Variants in C2orf76 observed in about 807,000 individuals in gnomAD.
C2orf76 encodes the protein UPF0538 protein C2orf76.
C2orf76 carries 23 observed loss-of-function variants against 16.9 expected under a neutral mutation model. That is an observed-to-expected ratio of 1.36 (90% CI 0.98 to 1.93). The LOEUF (loss-of-function observed/expected upper bound fraction) is 1.93, where lower values mean the gene tolerates loss of function less well. C2orf76 is among the 30% of genes most tolerant of loss of function. The probability of loss-of-function intolerance (pLI) is 0.00; values close to 1 mark genes in which losing one functional copy is unlikely to be tolerated. For synonymous variants in C2orf76, 48 were observed against 52.3 expected (o/e 0.92, Z 0.35); for missense variants, 152 against 152.6 (o/e 1.00, Z 0.02).
chr2:119,314,428 G>GT (rs1250687866), intron 4 of C2orf76, among the ~76,000 whole-genome samples: 2 of 152,006 alleles, frequency 1.3e-5, no homozygotes, highest in African/African-American at 4.8e-5. Flanking sequence ...TTTTTTAGAT[G>GT]TTTATGCAGT....
At chr2:119,362,294 A>C (rs1048021858) in intron 1 of C2orf76, among the ~76,000 whole-genome samples, 6 of 152,312 alleles carry the variant, frequency 3.9e-5, no homozygotes, top group Non-Finnish European at 8.8e-5. Flanking sequence ...GTAGGCTATT[A>C]ATAGTTAAGT....
downstream of C2orf76, among the ~76,000 whole-genome samples, chr2:119,301,359 T>C (rs545714067): frequency 8.5e-5 from 13 of 152,200 alleles, no homozygotes; most frequent in Non-Finnish European, 1.6e-4. Flanking sequence ...CTTCTAATCA[T>C]GTTAATCAGA....
At chr2:119,314,129 T>G (rs569524608) in intron 4 of C2orf76, among the ~76,000 whole-genome samples, 52 of 151,952 alleles carry the variant, frequency 3.4e-4, no homozygotes, top group African/African-American at 1.2e-3. Context: ...CAGTTTTCTG[T>G]CATATTTAGA....
chr2:119,287,261 T>C, the C2orf76 span, among the ~76,000 whole-genome samples: 1 of 152,216 alleles, frequency 6.6e-6, no homozygotes, highest in Non-Finnish European at 1.5e-5. Context: ...CTGCAGAGCT[T>C]GCTGGACCTT....
the C2orf76 span, among the ~76,000 whole-genome samples, chr2:119,284,235 G>T: frequency 2.6e-5 from 4 of 152,194 alleles, no homozygotes; most frequent in African/African-American, 9.7e-5. Context: ...GACCACGAGG[G>T]AATGTCACAT....
At chr2:119,311,098 T>C (rs56121712) in intron 5 of C2orf76, 407,883 of 930,002 alleles carry the variant, frequency 0.44, 90,635 homozygotes, top group South Asian at 0.49. Flanking sequence ...TTATTTAGAA[T>C]AAAACCACAT....
At chr2:119,289,173 A>G in the C2orf76 span, among the ~76,000 whole-genome samples, 2 of 152,046 alleles carry the variant, frequency 1.3e-5, no homozygotes, top group East Asian at 1.9e-4. Context: ...GCAGGTCCCA[A>G]CGCATTTCTA....
chr2:119,353,801 G>T (rs761238422), intron 1 of C2orf76, among the ~76,000 whole-genome samples: 22 of 152,042 alleles, frequency 1.4e-4, no homozygotes, highest in Non-Finnish European at 2.9e-4. Flanking sequence ...GATCTTAGGT[G>T]ATCCGCCCGC....
downstream of C2orf76, among the ~76,000 whole-genome samples, chr2:119,297,570 G>A (rs549517897): frequency 6.6e-6 from 1 of 152,242 alleles, no homozygotes; most frequent in East Asian, 1.9e-4. Context: ...GCAGTGGTGT[G>A]ATCTCAGCTC....
chr2:119,366,125 G>A (rs576712918), intron 1 of C2orf76, among the ~76,000 whole-genome samples: 1 of 151,842 alleles, frequency 6.6e-6, no homozygotes, highest in Non-Finnish European at 1.5e-5. Context: ...AGCCCCTAAA[G>A]TACTCTATAT....
At chr2:119,321,473 G>C (rs560594163) in intron 2 of C2orf76, among the ~76,000 whole-genome samples, 3 of 152,230 alleles carry the variant, frequency 2.0e-5, no homozygotes, top group Admixed American at 2.0e-4. Context: ...AGGTGAAAGA[G>C]GAGCAAAGGC....
chr2:119,343,479 C>T (rs1218872670), intron 1 of C2orf76, among the ~76,000 whole-genome samples: 1 of 16,966 alleles, frequency 5.9e-5, no homozygotes, highest in Non-Finnish European at 1.2e-4. Context: ...TATACCTACA[C>T]ACACACACAC....
the C2orf76 span, among the ~76,000 whole-genome samples, chr2:119,296,712 G>A: frequency 1.6e-4 from 25 of 152,320 alleles, no homozygotes; most frequent in African/African-American, 3.6e-4. Flanking sequence ...CGTTTGCTAC[G>A]GCAAAGAAGT....
intron 1 of C2orf76, among the ~76,000 whole-genome samples, chr2:119,358,359 C>G (rs1379103514): frequency 6.6e-6 from 1 of 151,986 alleles, no homozygotes; most frequent in Non-Finnish European, 1.5e-5. Context: ...GGTGGATCAC[C>G]TGAGGTCAGG....
At chr2:119,332,078 C>T (rs1435326548) in intron 2 of C2orf76, among the ~76,000 whole-genome samples, 1 of 151,964 alleles carries the variant, frequency 6.6e-6, no homozygotes, top group East Asian at 1.9e-4. Context: ...AATTACAATG[C>T]CCCAGGGGAG....
At chr2:119,330,353 CAAA>C (rs371947780) in intron 2 of C2orf76, among the ~76,000 whole-genome samples, 1 of 137,550 alleles carries the variant, frequency 7.3e-6, no homozygotes. Flanking sequence ...CTCTCCATCT[CAAA>C]AAAAAAAAAA....
the C2orf76 span, among the ~76,000 whole-genome samples, chr2:119,297,182 A>G: frequency 1.3e-5 from 2 of 152,216 alleles, no homozygotes; most frequent in Non-Finnish European, 2.9e-5. Flanking sequence ...GGCCCTTATT[A>G]TCTCCTCCAT....
At chr2:119,350,921 A>G in intron 1 of C2orf76, among the ~76,000 whole-genome samples, 1 of 152,226 alleles carries the variant, frequency 6.6e-6, no homozygotes, top group Non-Finnish European at 1.5e-5. Context: ...CATCCAGATA[A>G]GCACAAAACA....
At chr2:119,348,471 G>A (rs959031953) in intron 1 of C2orf76, among the ~76,000 whole-genome samples, 2 of 152,214 alleles carry the variant, frequency 1.3e-5, no homozygotes, top group African/African-American at 4.8e-5. Context: ...TGGATCACCT[G>A]AGGTTAGGAG....
Sources: gnomAD v4.1 joint callset for allele counts (sites outside exome capture counted in the v4.1 genomes callset) on GRCh38, gnomAD v4.1.1 for gene constraint, MANE v1.5 for transcripts, NCBI Gene and HGNC (gene_info 2026-07-23, HGNC 2026-07-21) for gene names.